IQGAP2: variants seen among roughly 807,000 people sequenced by gnomAD.
The protein encoded by IQGAP2 is IQ motif containing GTPase activating protein 2, also known as ras GTPase-activating-like protein IQGAP2.
In IQGAP2, 173 loss-of-function variants were observed where a neutral mutation model predicts 201.3. That is an observed-to-expected ratio of 0.86 (90% confidence interval 0.76 to 0.98). The LOEUF (loss-of-function observed/expected upper bound fraction) is 0.98, where lower values mean the gene tolerates loss of function less well. IQGAP2 is among the 50% of genes least tolerant of loss of function. The probability of loss-of-function intolerance (pLI) is 0.00; values close to 1 mark genes in which losing one functional copy is unlikely to be tolerated. For synonymous variants in IQGAP2, 675 were observed against 673.9 expected (o/e 1.00, Z -0.03); for missense variants, 1,687 against 1,864.8 (o/e 0.90, Z 1.76).
intron 1 of IQGAP2, among the ~76,000 whole-genome samples, chr5:76,441,726 T>C (rs1267195096): frequency 1.2e-4 from 19 of 152,204 alleles, no homozygotes; most frequent in Non-Finnish European, 4.4e-5. Context: ...AGAATCACTC[T>C]TGCATCAGGC....
At chr5:76,641,185 A>G in intron 17 of IQGAP2, 82 bp downstream of exon 17, 1 of 1,071,902 alleles carries the variant, frequency 9.3e-7, no homozygotes, top group Non-Finnish European at 1.3e-6. Context: ...ATAGTCAACT[A>G]CCAGCATTCC....
rs1748256935 is a variant in IQGAP2 at position 76,610,213 on chromosome 5, A to G, written c.1358-807A>G. Among the ~76,000 whole-genome samples, 8 of 135,170 alleles carry G rather than the reference A, an allele frequency of 5.9e-5. No homozygotes were observed. In the Admixed American group the frequency reaches 6.4e-4, roughly 11 times the overall value. The allele number at this position is 135,170 out of a possible 152,430, so 88.7% of individuals were successfully genotyped here. A position where few individuals can be genotyped will look rare whatever the true frequency, so the allele number is the denominator to read the frequency against. ...AGTGGTGCAATCTTGGCTCACTGCA[A>G]CCTCTGCCTCCTGGATTCAAGTGAT... On this transcript the variant is annotated intron_variant, in intron 12 of 35. Coordinates refer to ENST00000274364, the MANE Select transcript of IQGAP2 (RefSeq NM_006633.5).
At chr5:76,618,022 A>C in intron 13 of IQGAP2, 1 of 1,614,210 alleles carries the variant, frequency 6.2e-7, no homozygotes, top group Non-Finnish European at 8.5e-7. Context: ...TTCAGTATGA[A>C]AAATGGCAGC....
At chr5:76,664,943 C>T (rs979663715) in intron 21 of IQGAP2, 83 bp from the exon 22 acceptor site, 69 of 770,786 alleles carry the variant, frequency 9.0e-5, no homozygotes, top group Admixed American at 3.7e-4. Context: ...TTTCCAATTA[C>T]GTGTGTTTCA....
intron 21 of IQGAP2, 45 bp downstream of exon 21, chr5:76,658,712 C>T (rs4704347): frequency 0.49 from 729,025 of 1,503,026 alleles, 180,731 homozygotes; most frequent in Middle Eastern, 0.52. Flanking sequence ...AGAGGGAAGA[C>T]GCCTACATAC....
At chr5:76,664,102 C>A (rs1743516983) in intron 21 of IQGAP2, among the ~76,000 whole-genome samples, 1 of 152,164 alleles carries the variant, frequency 6.6e-6, no homozygotes, top group Admixed American at 6.5e-5. Flanking sequence ...TGCAAGAGGC[C>A]TAGCATTACG....
At chr5:76,523,316 C>T (rs911865092) in intron 2 of IQGAP2, among the ~76,000 whole-genome samples, 21 of 151,972 alleles carry the variant, frequency 1.4e-4, no homozygotes, top group African/African-American at 5.1e-4. Context: ...TTCTTGAACT[C>T]CTAGGCTCAA....
chr5:76,612,975 T>C (rs1048330959), intron 13 of IQGAP2, among the ~76,000 whole-genome samples: 1 of 152,208 alleles, frequency 6.6e-6, no homozygotes. Context: ...CTCCACTGCC[T>C]CATTGAAGGT....
In IQGAP2 at chr5:76,497,456, TTA is replaced by T. The variant is rs201651814; in HGVS notation, c.146+35790_146+35791del. Among the ~76,000 whole-genome samples the T allele has an allele frequency of 4.1e-3, 621 of 152,352 alleles. 3 individuals are homozygous for T. Among genetic ancestry groups the T allele is most frequent in the African/African-American group, 0.014 (589 of 41,572 alleles). On this transcript the variant is annotated intron_variant, in intron 2 of 35. Coordinates refer to ENST00000274364, the MANE Select transcript of IQGAP2 (RefSeq NM_006633.5). ...CTTTCTTTTATTATTTGTGCAATGTTTATAATAAGTACTCATTTCAGTGAAGA... is the reference window on the plus strand; with the variant it reads ...CTTTCTTTTATTATTTGTGCAATGTTTAATAAGTACTCATTTCAGTGAAGA...
At chr5:76,455,270 G>A (rs1026403972) in intron 1 of IQGAP2, among the ~76,000 whole-genome samples, 1 of 151,858 alleles carries the variant, frequency 6.6e-6, no homozygotes, top group African/African-American at 2.4e-5. Flanking sequence ...CCAACTTGGT[G>A]AAACCCTGTC....
chr5:76,587,518 C>T (rs1746333275), intron 5 of IQGAP2, among the ~76,000 whole-genome samples: 1 of 152,092 alleles, frequency 6.6e-6, no homozygotes, highest in South Asian at 2.1e-4. Context: ...TGTCCAGAAA[C>T]AACTTTAAAA....
rs1290195141 is a variant in IQGAP2, at chr5:76,707,864, A to G, written c.*551A>G. ...GACAACACAATAACACTTTCTGTATAAAAGTATATATTTTATGTGATTTAT... is the reference window on the plus strand; with the variant it reads ...GACAACACAATAACACTTTCTGTATGAAAGTATATATTTTATGTGATTTAT... On this transcript the variant is annotated 3_prime_UTR_variant, in exon 36 of 36. Transcript: ENST00000274364. The G allele has an allele frequency of 2.0e-5, 3 of 152,756 alleles. No homozygotes were observed. The highest frequency in any genetic ancestry group is 1.3e-4 in the Admixed American group (2 of 15,278). The allele number at this position is 152,756 out of a possible 1,614,324, so 9.5% of individuals were successfully genotyped here.
In IQGAP2 at chr5:76,562,550, A is replaced by C; in HGVS notation, c.301A>C (p.Lys101Gln). The part of the protein sequence containing the change: ...KIYDVEQTRY[K>Q]KSGLHFRHTD... ...CTATGATGTGGAACAAACACGTTAT[A>C]AGGTAACCAAGATCTAATTGGTTTT... Residue 101 changes from lysine (K) to glutamine (Q), a missense_variant and splice_region_variant, in exon 3 of 36, where the codon AAG becomes CAG. Transcript: ENST00000274364. 6.2e-7 allele frequency: 1 copy of C among 1,611,616 alleles called. No individual in the cohort carries two copies. The highest frequency in any genetic ancestry group is 8.5e-7 in the Non-Finnish European group (1 of 1,179,016).
chr5:76,461,813 T>G (rs1318107129), intron 2 of IQGAP2, 144 bp downstream of exon 2: 1 of 635,272 alleles, frequency 1.6e-6, no homozygotes, highest in Non-Finnish European at 2.8e-6. Context: ...CAGGGAGAGA[T>G]TCTTGCCTGC....
At chr5:76,582,996 G>A (rs1745981920) in intron 5 of IQGAP2, among the ~76,000 whole-genome samples, 1 of 152,274 alleles carries the variant, frequency 6.6e-6, no homozygotes, top group Non-Finnish European at 1.5e-5. Context: ...GGTGTGGTAG[G>A]AGGCTTGCTA....
At position 76,641,094 on chromosome 5, in the gene IQGAP2, C is replaced by G. The variant is rs372017854; in HGVS notation, c.2085C>G (p.Val695=). The change falls in exon 17 of 36, where the codon GTC becomes GTG. Residue 695 remains valine, a synonymous_variant. Transcript: ENST00000274364. ...SFLHEQEENV[V]KIQAFWKGYK... ...TGCATGAACAAGAAGAGAATGTGGT[C>G]AAAATACAGGTATGTGGATCACCTG... is the stretch of plus-strand genomic sequence containing the variant. 6 of 1,597,562 alleles carry G rather than the reference C, an allele frequency of 3.8e-6. No individual in the cohort carries two copies. The highest frequency in any genetic ancestry group is 5.1e-6 in the Non-Finnish European group (6 of 1,167,066).
At chr5:76,665,519 A>G (rs889129397) in intron 22 of IQGAP2, among the ~76,000 whole-genome samples, 2 of 152,230 alleles carry the variant, frequency 1.3e-5, no homozygotes, top group Non-Finnish European at 2.9e-5. Flanking sequence ...ACCTTCAGAA[A>G]CAATATAAAT....
At chr5:76,608,426 G>T (rs1312683721) in intron 12 of IQGAP2, among the ~76,000 whole-genome samples, 2 of 152,090 alleles carry the variant, frequency 1.3e-5, no homozygotes, top group South Asian at 4.2e-4. Context: ...TATTGAGTTT[G>T]ATATCATGTT....
At chr5:76,451,135 T>C (rs900039573) in intron 1 of IQGAP2, among the ~76,000 whole-genome samples, 2 of 152,152 alleles carry the variant, frequency 1.3e-5, no homozygotes, top group Non-Finnish European at 2.9e-5. Flanking sequence ...AACAAGCTTG[T>C]CTTTATGTAA....
Sources: gnomAD v4.1 joint callset for allele counts (sites outside exome capture counted in the v4.1 genomes callset) on GRCh38, gnomAD v4.1.1 for gene constraint, MANE v1.5 for transcripts, NCBI Gene and HGNC (gene_info 2026-07-23, HGNC 2026-07-21) for gene names.